The following UVRAG variants were observed in gnomAD, a reference collection of about 807,000 sequenced individuals.
The protein encoded by UVRAG is UV radiation resistance-associated gene protein.
In UVRAG, 19 loss-of-function variants were observed where a neutral mutation model predicts 78.0. The observed-to-expected ratio is 0.24, with a 90% CI of 0.17 to 0.36. The LOEUF is 0.36. UVRAG is among the 10% of genes least tolerant of loss of function. The probability of loss-of-function intolerance (pLI) is 1.00; values close to 1 mark genes in which losing one functional copy is unlikely to be tolerated. For synonymous variants in UVRAG, 323 were observed against 324.6 expected (o/e 1.00, Z 0.05); for missense variants, 740 against 853.8 (o/e 0.87, Z 1.66).
At chr11:75,849,691 G>A (rs1438496018) in intron 1 of UVRAG, among the ~76,000 whole-genome samples, 2 of 152,054 alleles carry the variant, frequency 1.3e-5, no homozygotes, top group South Asian at 2.1e-4. Context: ...GGAAGATAAC[G>A]GTAAACAATT....
intron 7 of UVRAG, among the ~76,000 whole-genome samples, chr11:75,970,022 A>G (rs993272431): frequency 5.9e-5 from 9 of 152,242 alleles, no homozygotes; most frequent in Admixed American, 2.0e-4. Context: ...TTTACTAGCT[A>G]TAACCAAATT....
At chr11:76,003,288 T>TTTTTTTTTTTTTTTTTTTTTTTTTTTTG (rs1491521163) in intron 8 of UVRAG, among the ~76,000 whole-genome samples, 2 of 62,472 alleles carry the variant, frequency 3.2e-5, no homozygotes, top group African/African-American at 6.1e-5. Flanking sequence ...TTTTTTTTTT[T>TTTTTTTTTTTTTTTTTTTTTTTTTTTTG]GGAGACAGAG....
At chr11:75,976,628 C>G (rs755184167) in intron 7 of UVRAG, among the ~76,000 whole-genome samples, 3 of 152,070 alleles carry the variant, frequency 2.0e-5, no homozygotes, top group Admixed American at 2.0e-4. Flanking sequence ...GTATCTATTT[C>G]TTCTAGATTT....
chr11:75,820,651 G>A (rs545758159), intron 1 of UVRAG, among the ~76,000 whole-genome samples: 135 of 151,920 alleles, frequency 8.9e-4, no homozygotes, highest in Non-Finnish European at 1.8e-3. Flanking sequence ...CACCGCACCC[G>A]GCCTCACTTA....
chr11:75,930,984 T>TTTCTTTCTTTCTTTCC (rs1234245558), intron 6 of UVRAG: 9 of 150,302 alleles, frequency 6.0e-5, no homozygotes, highest in South Asian at 2.1e-4. Flanking sequence ...TCTTTCTTTC[T>TTTCTTTCTTTCTTTCC]TTCCATTTTT....
rs780509138 is a variant in UVRAG, at chr11:76,016,832, A to T, written c.1078A>T (p.Ile360Phe). ...EDFQAKDDGS[I>F]AVALGYTAHL... The stretch of plus-strand genomic sequence containing the variant: ...ATTTACAGCAAAAGATGATGGAAGC[A>T]TTGCTGTTGCCCTTGGTTATACTGC... Residue 360 changes from isoleucine to phenylalanine, a missense_variant, in exon 12 of 15, where the codon ATT becomes TTT. Coordinates refer to ENST00000356136, the MANE Select transcript of UVRAG (RefSeq NM_003369.4). 6.3e-7 allele frequency: 1 copy of T among 1,597,926 alleles called. No individual in the cohort carries two copies. The highest frequency in any genetic ancestry group is 8.5e-7 in the Non-Finnish European group (1 of 1,171,266).
chr11:76,108,086 G>T (rs974957368), intron 13 of UVRAG, among the ~76,000 whole-genome samples: 13 of 152,032 alleles, frequency 8.6e-5, no homozygotes, highest in Non-Finnish European at 1.5e-4. Context: ...ATAACACACG[G>T]TTTGTATCAA....
Position 76,054,684 on chromosome 11 carries a change from CTT to C in UVRAG, c.1227-11024_1227-11023del, listed in dbSNP as rs1158551271. ...CACTCTTCCCCAGATAGCTTCAAGACTTTCTCTCACTTCCTTCAGGTTTTTGT... is the reference window on the plus strand; with the variant it reads ...CACTCTTCCCCAGATAGCTTCAAGACTCTCTCACTTCCTTCAGGTTTTTGT... On this transcript the variant is annotated intron_variant, in intron 12 of 14. Coordinates refer to ENST00000356136, the MANE Select transcript of UVRAG (RefSeq NM_003369.4). 2.0e-5 allele frequency among the ~76,000 whole-genome samples: 3 copies of C among 152,224 alleles called. No homozygotes were observed. The East Asian group carries it at 5.8e-4, about 29-fold the overall frequency.
intron 6 of UVRAG, among the ~76,000 whole-genome samples, chr11:75,942,913 C>G (rs1948514017): frequency 6.6e-6 from 1 of 151,918 alleles, no homozygotes; most frequent in Non-Finnish European, 1.5e-5. Flanking sequence ...AAGGAAAAGC[C>G]AACTAGACAC....
At chr11:76,102,854 G>C (rs1367231953) in intron 13 of UVRAG, among the ~76,000 whole-genome samples, 1 of 152,144 alleles carries the variant, frequency 6.6e-6, no homozygotes, top group African/African-American at 2.4e-5. Context: ...CAGAAGCTGG[G>C]TGGGCTCAGC....
chr11:76,065,620 G>A, intron 12 of UVRAG, 90 bp from the exon 13 acceptor site: 2 of 1,117,986 alleles, frequency 1.8e-6, no homozygotes, highest in South Asian at 1.3e-5. Flanking sequence ...TGTTTATGCT[G>A]TATCTAAGAA....
chr11:75,901,709 A>G (rs988351714), intron 5 of UVRAG, among the ~76,000 whole-genome samples: 2 of 152,194 alleles, frequency 1.3e-5, no homozygotes, highest in Non-Finnish European at 2.9e-5. Flanking sequence ...TAAAATGATC[A>G]TATTCTTCCT....
At chr11:76,106,807 A>G (rs1951980276) in intron 13 of UVRAG, among the ~76,000 whole-genome samples, 2 of 152,138 alleles carry the variant, frequency 1.3e-5, no homozygotes, top group South Asian at 4.1e-4. Flanking sequence ...GAGGGCAAGG[A>G]GCAGAAGTTG....
In UVRAG at chr11:75,815,514, C is replaced by A; in HGVS notation, c.107C>A (p.Pro36Gln). Residue 36 changes from proline (P) to glutamine (Q), a missense_variant, in exon 1 of 15, where the codon CCG becomes CAG. Transcript: ENST00000356136. Reference sequence around the variant, plus strand: ...GCGCGGGCCCTGCATGTGGAGCTGCCGTCTCAGCAGGTAAGCCCGCGCGGC... The same window carrying A: ...GCGCGGGCCCTGCATGTGGAGCTGCAGTCTCAGCAGGTAAGCCCGCGCGGC... Reference protein sequence around the residue: ...SAARALHVELPSQQRRLRHLR... With the variant: ...SAARALHVELQSQQRRLRHLR... The A allele has an allele frequency of 8.1e-7, 1 of 1,237,600 alleles. No individual in the cohort carries two copies. Among genetic ancestry groups the A allele is most frequent in the Non-Finnish European group, 1.0e-6 (1 of 990,052 alleles). The allele number at this position is 1,237,600 out of a possible 1,614,324, so 76.7% of individuals were successfully genotyped here.
Position 76,009,293 on chromosome 11 carries a change from T to C in UVRAG, c.1060+426T>C, listed in dbSNP as rs116665925. ...ATTTGAAAATTTAATTTTGTGAAGT[T>C]TCCATTACCACAGGCTTAATTTGTT... On this transcript the variant is annotated intron_variant, in intron 11 of 14. Transcript: ENST00000356136. Among the ~76,000 whole-genome samples the C allele has an allele frequency of 4.2e-3, 638 of 152,290 alleles. 3 individuals are homozygous for C. Among genetic ancestry groups the C allele is most frequent in the African/African-American group, 0.015 (605 of 41,566 alleles).
intron 1 of UVRAG, among the ~76,000 whole-genome samples, chr11:75,848,178 CAG>C (rs553143052): frequency 2.3e-4 from 34 of 148,472 alleles, no homozygotes; most frequent in African/African-American, 7.9e-4. Flanking sequence ...GCCTGGGGGA[CAG>C]AGAGAGACCC....
At chr11:75,938,869 C>G (rs561943077) in intron 6 of UVRAG, among the ~76,000 whole-genome samples, 353 of 152,252 alleles carry the variant, frequency 2.3e-3, no homozygotes, top group Non-Finnish European at 4.0e-3. Flanking sequence ...TGAGAACTCT[C>G]GCACTCATGG....
rs564620284 is a variant in UVRAG at position 76,012,428 on chromosome 11, C to T, written c.1060+3561C>T. ...AAGGTTATTCCTGGTCTGCCTGATT[C>T]TAAGATTCGTATAATTCTTGCCACA... On this transcript the variant is annotated intron_variant, in intron 11 of 14. Coordinates refer to ENST00000356136, the MANE Select transcript of UVRAG (RefSeq NM_003369.4). 3.9e-5 allele frequency among the ~76,000 whole-genome samples: 6 copies of T among 152,152 alleles called. No homozygotes were observed. The East Asian group carries it at 1.2e-3, about 29-fold the overall frequency.
chr11:75,859,234 G>A (rs965272956), intron 2 of UVRAG, among the ~76,000 whole-genome samples: 2 of 152,068 alleles, frequency 1.3e-5, no homozygotes, highest in Admixed American at 6.5e-5. Context: ...AATTAGCCGG[G>A]CGGTGGTGGT....
Sources: gnomAD v4.1 joint callset for allele counts (sites outside exome capture counted in the v4.1 genomes callset) on GRCh38, gnomAD v4.1.1 for gene constraint, MANE v1.5 for transcripts, NCBI Gene and HGNC (gene_info 2026-07-23, HGNC 2026-07-21) for gene names.